Variants in ARHGEF4 observed in about 807,000 individuals in gnomAD.
ARHGEF4 encodes APC-stimulated guanine nucleotide exchange factor 1.
A neutral mutation model predicts 162.0 loss-of-function variants in ARHGEF4; 119 were observed. The observed-to-expected ratio is 0.73, with a 90% CI of 0.63 to 0.86. The LOEUF is 0.86. Ranked by LOEUF, ARHGEF4 falls within the 40% of genes least tolerant of loss-of-function variation. ARHGEF4 has a pLI of 0.00. For missense variants in ARHGEF4, 2,488 were observed against 2,456.0 expected (o/e 1.01, Z -0.28); for synonymous variants, 1,014 against 979.9 (o/e 1.03, Z -0.65).
chr2:130,996,975 T>C (rs569795609), intron 4 of ARHGEF4, among the ~76,000 whole-genome samples: 2 of 152,374 alleles, frequency 1.3e-5, no homozygotes, highest in African/African-American at 4.8e-5. Flanking sequence ...CTTTGTTGGA[T>C]ATAAATATTG....
At chr2:130,839,672 C>T (rs1346367181) in intron 1 of ARHGEF4, among the ~76,000 whole-genome samples, 1 of 152,172 alleles carries the variant, frequency 6.6e-6, no homozygotes, top group African/African-American at 2.4e-5. Context: ...GTCAGAGGAG[C>T]AGCACACCCA....
intron 1 of ARHGEF4, among the ~76,000 whole-genome samples, chr2:130,907,592 C>T (rs1322151807): frequency 6.6e-6 from 1 of 152,070 alleles, no homozygotes; most frequent in Non-Finnish European, 1.5e-5. Context: ...ATCCATTCAA[C>T]TGCTGAAGGA....
intron 1 of ARHGEF4, among the ~76,000 whole-genome samples, chr2:130,845,503 T>C (rs539615484): frequency 1.2e-4 from 18 of 152,170 alleles, no homozygotes; most frequent in African/African-American, 4.1e-4. Context: ...TTCACCATGT[T>C]GGCTAGGCTG....
chr2:130,929,188 A>G (rs1682477644), intron 2 of ARHGEF4, among the ~76,000 whole-genome samples: 1 of 152,214 alleles, frequency 6.6e-6, no homozygotes. Flanking sequence ...ACTTGGGGAG[A>G]AATAACTAGC....
chr2:131,022,563 A>G (rs1689200216), intron 4 of ARHGEF4, among the ~76,000 whole-genome samples: 3 of 151,988 alleles, frequency 2.0e-5, no homozygotes, highest in Admixed American at 2.0e-4. Context: ...CGGTGGAGAA[A>G]TGATATTCTT....
At chr2:130,936,375 C>T (rs1248037057) in intron 3 of ARHGEF4, among the ~76,000 whole-genome samples, 1 of 152,130 alleles carries the variant, frequency 6.6e-6, no homozygotes, top group African/African-American at 2.4e-5. Context: ...GTTATATCTT[C>T]TTGATGAACT....
chr2:130,849,280 G>T (rs1193949624), intron 1 of ARHGEF4, among the ~76,000 whole-genome samples: 1 of 152,250 alleles, frequency 6.6e-6, no homozygotes, highest in African/African-American at 2.4e-5. Flanking sequence ...GGTGCATATT[G>T]TCATGCCAGG....
chr2:130,993,480 G>A (rs1159358554), intron 4 of ARHGEF4, among the ~76,000 whole-genome samples: 1 of 152,012 alleles, frequency 6.6e-6, no homozygotes, highest in Non-Finnish European at 1.5e-5. Flanking sequence ...TTTCATTTAG[G>A]TCAAATCTCT....
chr2:131,038,769 G>A, intron 5 of ARHGEF4, 84 bp from the exon 6 acceptor site: 2 of 1,448,962 alleles, frequency 1.4e-6, no homozygotes, highest in Non-Finnish European at 1.8e-6. Flanking sequence ...CTCTTCCCAG[G>A]GCTGCTGAGG....
intron 1 of ARHGEF4, among the ~76,000 whole-genome samples, chr2:130,847,039 C>G (rs549609487): frequency 1.3e-5 from 2 of 152,258 alleles, no homozygotes; most frequent in South Asian, 2.1e-4. Context: ...TTAGGGAAAG[C>G]CTGGGTGTAA....
At chr2:130,889,549 A>T (rs927193756) in intron 1 of ARHGEF4, among the ~76,000 whole-genome samples, 32 of 151,934 alleles carry the variant, frequency 2.1e-4, no homozygotes, top group Middle Eastern at 3.2e-3. Context: ...GTGGTGGCTC[A>T]AACCTGTAAT....
intron 1 of ARHGEF4, among the ~76,000 whole-genome samples, chr2:130,842,468 A>G (rs1328685212): frequency 2.0e-5 from 3 of 152,200 alleles, no homozygotes; most frequent in Non-Finnish European, 4.4e-5. Context: ...AGGCCCTGTG[A>G]GGACAGAGTG....
chr2:130,837,472 T>G, intron 1 of ARHGEF4: 1 of 343,328 alleles, frequency 2.9e-6, no homozygotes, highest in Admixed American at 3.8e-5. Context: ...AGGCTGAGAG[T>G]ACGCGAGGGC....
intron 4 of ARHGEF4, among the ~76,000 whole-genome samples, chr2:131,026,775 A>C (rs1558869337): frequency 6.6e-6 from 1 of 152,182 alleles, no homozygotes; most frequent in Non-Finnish European, 1.5e-5. Flanking sequence ...GGGATGGAAC[A>C]TTCTTGCGCC....
At chr2:130,984,999 C>A (rs1686385023) in intron 4 of ARHGEF4, among the ~76,000 whole-genome samples, 1 of 152,126 alleles carries the variant, frequency 6.6e-6, no homozygotes, top group Admixed American at 6.5e-5. Flanking sequence ...ACTGAAACAA[C>A]AGTCAGGGTG....
intron 1 of ARHGEF4, among the ~76,000 whole-genome samples, chr2:130,844,408 C>T (rs957733911): frequency 6.6e-6 from 1 of 152,250 alleles, no homozygotes; most frequent in Non-Finnish European, 1.5e-5. Context: ...GCCCTGTTGG[C>T]CAGATGCAAA....
At chr2:130,853,230 C>T (rs908016126) in intron 1 of ARHGEF4, among the ~76,000 whole-genome samples, 3 of 152,180 alleles carry the variant, frequency 2.0e-5, no homozygotes, top group African/African-American at 7.2e-5. Context: ...CTACTGTGCA[C>T]GTGGCCAGTG....
chr2:130,985,735 G>A (rs1312324157), intron 4 of ARHGEF4, among the ~76,000 whole-genome samples: 1 of 152,160 alleles, frequency 6.6e-6, no homozygotes, highest in Non-Finnish European at 1.5e-5. Flanking sequence ...GGTTTCAAGT[G>A]TCTTGTGTGT....
Position 130,914,750 on chromosome 2 carries a change from G to A in ARHGEF4, c.804G>A (p.Arg268=), listed in dbSNP as rs966177449. ...ACAACACAGCCCCTCTGGGGACCAG[G>A]ACAAAGAAGGAAAGTACTCTAGGCC... The part of the protein sequence containing the change: ...PLDNTAPLGT[R]TKKESTLGPA... Residue 268 remains arginine (R), a synonymous_variant, in exon 2 of 14, where the codon AGG becomes AGA. Transcript: ENST00000409359. 17 of 1,425,714 alleles carry A rather than the reference G, an allele frequency of 1.2e-5. No homozygotes were observed. The African/African-American group carries it at 1.9e-4, about 16-fold the overall frequency. The allele number at this position is 1,425,714 out of a possible 1,614,324, so 88.3% of individuals were successfully genotyped here.
Sources: gnomAD v4.1 joint callset for allele counts (sites outside exome capture counted in the v4.1 genomes callset) on GRCh38, gnomAD v4.1.1 for gene constraint, MANE v1.5 for transcripts, NCBI Gene and HGNC (gene_info 2026-07-23, HGNC 2026-07-21) for gene names.